The following NDUFS1 variants were observed in gnomAD, a reference collection of about 807,000 sequenced individuals.
NDUFS1 encodes the protein NADH-ubiquinone oxidoreductase 75 kDa subunit, mitochondrial.
Under a neutral mutation model 84.4 loss-of-function variants are expected in NDUFS1, and 61 were observed. The observed-to-expected ratio is 0.72, with a 90% CI of 0.59 to 0.89. The LOEUF is 0.89. Ranked by LOEUF, NDUFS1 falls within the 40% of genes least tolerant of loss-of-function variation. The pLI, the probability that NDUFS1 is intolerant of heterozygous loss-of-function variation, is 0.00. For missense variants in NDUFS1, 891 were observed against 890.0 expected (o/e 1.00, Z -0.01); for synonymous variants, 275 against 290.0 (o/e 0.95, Z 0.53).
rs757724566 is a variant in NDUFS1 at position 206,149,944 on chromosome 2, A to G, written c.154-19T>C. The G allele has an allele frequency of 2.4e-4, 355 of 1,494,150 alleles. 1 individual carries two copies. Among genetic ancestry groups the G allele is most frequent in the Non-Finnish European group, 2.7e-4 (296 of 1,080,736 alleles). 92.6% of individuals were successfully genotyped at this position (1,494,150 alleles called of 1,614,324 possible). A position where few individuals can be genotyped will look rare whatever the true frequency, so the allele number is the denominator to read the frequency against. Reference sequence around the variant, plus strand: ...CACAAGCCTAGAAGTAAAAAAAAAAAAAAAAAAAAAAAAAGCATTAGAATA... The same window carrying G: ...CACAAGCCTAGAAGTAAAAAAAAAAGAAAAAAAAAAAAAAGCATTAGAATA... On this transcript the variant is annotated intron_variant, in intron 3 of 18. Transcript: ENST00000233190.
At position 206,121,853 on chromosome 2, in the gene NDUFS1, C is replaced by T. The variant is rs959697447; in HGVS notation, c.*2332G>A. 15 of 152,180 alleles carry T rather than the reference C, an allele frequency of 9.9e-5. No individual in the cohort carries two copies. The highest frequency in any genetic ancestry group is 3.6e-4 in the African/African-American group (15 of 41,438). The allele number at this position is 152,180 out of a possible 1,614,324, so 9.4% of individuals were successfully genotyped here. A position where few individuals can be genotyped will look rare whatever the true frequency, so the allele number is the denominator to read the frequency against. Reference sequence around the variant, plus strand: ...CTTAGCTATATAGCATCTTTTCTATCTGAATGCAGTATTCTCTTACCCACA... The same window carrying T: ...CTTAGCTATATAGCATCTTTTCTATTTGAATGCAGTATTCTCTTACCCACA... On this transcript the variant is annotated 3_prime_UTR_variant, in exon 19 of 19. Coordinates refer to ENST00000233190, the MANE Select transcript of NDUFS1 (RefSeq NM_005006.7).
At chr2:206,136,411 T>C (rs935304042) in intron 13 of NDUFS1, among the ~76,000 whole-genome samples, 1 of 147,898 alleles carries the variant, frequency 6.8e-6, no homozygotes, top group African/African-American at 2.5e-5. Context: ...AGAAACTCCT[T>C]AGTTTTTAGT....
At chr2:206,126,959 T>C (rs902913573) in intron 16 of NDUFS1, 115 bp from the exon 17 acceptor site, 77 of 1,254,162 alleles carry the variant, frequency 6.1e-5, no homozygotes, top group Non-Finnish European at 8.7e-5. Context: ...AACCTATTGG[T>C]GTCCATTAGT....
rs772054313 is a variant in NDUFS1 at position 206,127,929 on chromosome 2, G to A, written c.1752C>T (p.Leu584=). The A allele has an allele frequency of 6.2e-7, 1 of 1,614,110 alleles. No individual in the cohort carries two copies. The highest frequency in any genetic ancestry group is 1.7e-5 in the Admixed American group (1 of 60,006). The change falls in exon 16 of 19, where the codon CTC becomes CTT. Residue 584 remains leucine (L), a synonymous_variant. Transcript: ENST00000233190. ...ACTTCTCTGTGTAAGCAGCTCCTGG[G>A]AGAATAACATCAGCTATGGGAGCCC... ...DVGAPIADVI[L]PGAAYTEKSA...
chr2:206,153,887 G>A (rs139781358), intron 1 of NDUFS1, among the ~76,000 whole-genome samples: 120 of 152,254 alleles, frequency 7.9e-4, no homozygotes, highest in African/African-American at 2.6e-3. Flanking sequence ...AGCAGCAGCA[G>A]CTATTGTATA....
At chr2:206,143,283 C>A (rs1244285182) in intron 10 of NDUFS1, among the ~76,000 whole-genome samples, 1 of 152,004 alleles carries the variant, frequency 6.6e-6, no homozygotes, top group African/African-American at 2.4e-5. Context: ...AGTTGTACAA[C>A]AATTATTAAT....
At chr2:206,139,489 A>C (rs1691851702) in intron 12 of NDUFS1, among the ~76,000 whole-genome samples, 1 of 152,162 alleles carries the variant, frequency 6.6e-6, no homozygotes, top group East Asian at 1.9e-4. Context: ...GCCCGGCCTA[A>C]AAAAATTTTA....
intron 1 of NDUFS1, among the ~76,000 whole-genome samples, chr2:206,156,262 CAAAAA>C (rs577904073): frequency 2.1e-5 from 2 of 94,090 alleles, no homozygotes; most frequent in Admixed American, 1.1e-4. Flanking sequence ...CACTCTGTCT[CAAAAA>C]AAAAAAAAAA....
chr2:206,130,000 T>C (rs982761751), intron 15 of NDUFS1, 88 bp downstream of exon 15: 32 of 1,530,838 alleles, frequency 2.1e-5, no homozygotes, highest in Non-Finnish European at 2.9e-5. Flanking sequence ...ATGGAAAACA[T>C]TCAGTTCACT....
chr2:206,136,597 C>A (rs1399393726), intron 13 of NDUFS1, among the ~76,000 whole-genome samples: 1 of 151,258 alleles, frequency 6.6e-6, no homozygotes, highest in East Asian at 2.0e-4. Context: ...CCATACCCAG[C>A]TAATTTTTGT....
At chr2:206,128,365 C>T (rs1691375761) in intron 15 of NDUFS1, among the ~76,000 whole-genome samples, 1 of 151,848 alleles carries the variant, frequency 6.6e-6, no homozygotes, top group African/African-American at 2.4e-5. Context: ...CAGGGTTTCA[C>T]CGTGTTTAGC....
intron 16 of NDUFS1, 121 bp from the exon 17 acceptor site, chr2:206,126,965 T>C (rs551579242): frequency 1.0e-5 from 12 of 1,173,454 alleles, no homozygotes; most frequent in Middle Eastern, 2.8e-4. Flanking sequence ...TTGGTGTCCA[T>C]TAGTAGACAT....
intron 18 of NDUFS1, among the ~76,000 whole-genome samples, chr2:206,125,534 T>C (rs1042540160): frequency 1.3e-5 from 2 of 151,188 alleles, no homozygotes; most frequent in Non-Finnish European, 2.9e-5. Flanking sequence ...TAACAATAGT[T>C]AATTAATATA....
chr2:206,145,685 T>A (rs760553566), intron 8 of NDUFS1, among the ~76,000 whole-genome samples: 1 of 152,132 alleles, frequency 6.6e-6, no homozygotes, highest in Non-Finnish European at 1.5e-5. Flanking sequence ...GGGAAGCTTT[T>A]ATGCACTGAA....
At chr2:206,139,482 C>T (rs763405233) in intron 12 of NDUFS1, among the ~76,000 whole-genome samples, 54 of 152,122 alleles carry the variant, frequency 3.5e-4, no homozygotes, top group Non-Finnish European at 6.0e-4. Flanking sequence ...CCACTGTGCC[C>T]GGCCTAAAAA....
At position 206,115,362 on chromosome 2, in the gene NDUFS1, G is replaced by A. The variant is rs1262906409; in HGVS notation, c.*8823C>T. ...GGTTGGGAGGCGGAGCCTTCTGGGA[G>A]ATGATTAGGTCACAAGGACTCTGGC... On this transcript the variant is annotated 3_prime_UTR_variant, in exon 19 of 19. Coordinates refer to ENST00000233190, the MANE Select transcript of NDUFS1 (RefSeq NM_005006.7). 1 of 154,378 alleles carries A rather than the reference G, an allele frequency of 6.5e-6. No individual in the cohort carries two copies. The highest frequency in any genetic ancestry group is 2.4e-5 in the African/African-American group (1 of 41,478). 9.6% of individuals were successfully genotyped at this position (154,378 alleles called of 1,614,324 possible).
rs1692051591 is a variant in NDUFS1 at position 206,143,713 on chromosome 2, A to T, written c.987+305T>A. On this transcript the variant is annotated intron_variant, in intron 10 of 18. Coordinates refer to ENST00000233190, the MANE Select transcript of NDUFS1 (RefSeq NM_005006.7). Reference sequence around the variant, plus strand: ...CCTGTCCTAGTTAGGCATTCCTCCTACGTGCTCTCACTCATATTACTCCTT... The same window carrying T: ...CCTGTCCTAGTTAGGCATTCCTCCTTCGTGCTCTCACTCATATTACTCCTT... Among the ~76,000 whole-genome samples, 3 of 151,970 alleles carry T rather than the reference A, an allele frequency of 2.0e-5. No homozygotes were observed. The South Asian group carries it at 6.2e-4, about 32-fold the overall frequency.
chr2:206,132,548 A>G (rs1348097403), intron 14 of NDUFS1, among the ~76,000 whole-genome samples: 1 of 152,198 alleles, frequency 6.6e-6, no homozygotes, highest in Non-Finnish European at 1.5e-5. Flanking sequence ...TGATCATGCC[A>G]CTGTACTGAG....
chr2:206,146,776 T>G, intron 8 of NDUFS1, 127 bp downstream of exon 8: 1 of 858,688 alleles, frequency 1.2e-6, no homozygotes, highest in Non-Finnish European at 1.8e-6. Flanking sequence ...TTTAAAGGGT[T>G]TTACATAAAC....
Sources: gnomAD v4.1 joint callset for allele counts (sites outside exome capture counted in the v4.1 genomes callset) on GRCh38, gnomAD v4.1.1 for gene constraint, MANE v1.5 for transcripts, NCBI Gene and HGNC (gene_info 2026-07-23, HGNC 2026-07-21) for gene names.